Variants in BCKDHB observed in about 807,000 individuals in gnomAD.
The protein encoded by BCKDHB is 2-oxoisovalerate dehydrogenase subunit beta, mitochondrial.
A neutral mutation model predicts 48.5 loss-of-function variants in BCKDHB; 41 were observed. The ratio of observed to expected loss-of-function variants is 0.85; its 90% CI spans 0.66 to 1.10. The LOEUF is 1.10. Among genes scored for constraint, BCKDHB ranks in the 50% least tolerant of loss-of-function variants. The probability of loss-of-function intolerance (pLI) is 0.00; values close to 1 mark genes in which losing one functional copy is unlikely to be tolerated. For missense variants in BCKDHB, 496 were observed against 494.2 expected (o/e 1.00, Z -0.03); for synonymous variants, 201 against 174.8 (o/e 1.15, Z -1.18).
chr6:80,386,156 G>T, the BCKDHB span, among the ~76,000 whole-genome samples: 2 of 152,198 alleles, frequency 1.3e-5, no homozygotes, highest in African/African-American at 4.8e-5. Flanking sequence ...CAATAGATTT[G>T]TGAGAGCAGC....
chr6:80,298,632 G>GTA (rs778294109), intron 9 of BCKDHB, among the ~76,000 whole-genome samples: 4 of 152,200 alleles, frequency 2.6e-5, no homozygotes, highest in African/African-American at 4.8e-5. Flanking sequence ...CCAAAAGAAA[G>GTA]TACTGCCACA....
At chr6:80,133,077 TC>T (rs1443669464) in intron 3 of BCKDHB, among the ~76,000 whole-genome samples, 2 of 152,188 alleles carry the variant, frequency 1.3e-5, no homozygotes, top group Non-Finnish European at 2.9e-5. Context: ...TTGTGCCAGA[TC>T]AGTTCGCTTT....
Position 80,173,751 on chromosome 6 carries a change from T to C in BCKDHB, c.742+2361T>C, listed in dbSNP as rs146502077. The stretch of plus-strand genomic sequence containing the variant: ...GCTTTTGACCTATGGTTTTCTTAGA[T>C]TTGACCTCTGGTTCAGTATCACTAT... On this transcript the variant is annotated intron_variant, in intron 6 of 9. Coordinates refer to ENST00000320393, the MANE Select transcript of BCKDHB (RefSeq NM_183050.4). Among the ~76,000 whole-genome samples the C allele has an allele frequency of 1.7e-3, 257 of 152,194 alleles. 1 individual carries two copies. Among genetic ancestry groups the C allele is most frequent in the African/African-American group, 5.9e-3 (243 of 41,526 alleles).
At chr6:80,406,673 C>G in the BCKDHB span, among the ~76,000 whole-genome samples, 2 of 152,180 alleles carry the variant, frequency 1.3e-5, no homozygotes, top group African/African-American at 4.8e-5. Flanking sequence ...AATGTCTGTT[C>G]ATATCCTTTG....
At chr6:80,378,508 A>G in the BCKDHB span, among the ~76,000 whole-genome samples, 1 of 152,050 alleles carries the variant, frequency 6.6e-6, no homozygotes, top group Non-Finnish European at 1.5e-5. Context: ...GTATGTGTAT[A>G]GAGAAAATGT....
the BCKDHB span, among the ~76,000 whole-genome samples, chr6:80,374,974 G>A: frequency 1.3e-5 from 2 of 152,198 alleles, no homozygotes; most frequent in South Asian, 4.1e-4. Flanking sequence ...GCTAAAGATA[G>A]AACCCGAATC....
intron 8 of BCKDHB, among the ~76,000 whole-genome samples, chr6:80,220,103 C>A (rs1775345101): frequency 6.6e-6 from 1 of 151,636 alleles, no homozygotes; most frequent in Non-Finnish European, 1.5e-5. Flanking sequence ...ATTTTCTTTT[C>A]AAAAAACTCT....
chr6:80,283,789 A>G (rs1766489355), intron 9 of BCKDHB, among the ~76,000 whole-genome samples: 2 of 152,132 alleles, frequency 1.3e-5, no homozygotes, highest in African/African-American at 4.8e-5. Context: ...TTCAGTATGT[A>G]TATTTTAAAA....
intron 3 of BCKDHB, among the ~76,000 whole-genome samples, chr6:80,134,035 AAG>A (rs564653195): frequency 6.6e-6 from 1 of 151,964 alleles, no homozygotes; most frequent in East Asian, 1.9e-4. Context: ...GAGAGAGAGA[AAG>A]AGAAAGAGTG....
the BCKDHB span, among the ~76,000 whole-genome samples, chr6:80,423,518 T>G: frequency 7.9e-5 from 12 of 152,194 alleles, no homozygotes; most frequent in Admixed American, 7.9e-4. Flanking sequence ...CCCCACCCAT[T>G]GTGTAACTTG....
rs3840387 is a variant in BCKDHB, at chr6:80,205,791, G to GGTGTGTGT, written c.951+2616_951+2623dup. Among the ~76,000 whole-genome samples the GGTGTGTGT allele has an allele frequency of 5.4e-3, 732 of 135,146 alleles. 4 individuals carry two copies. Among genetic ancestry groups the GGTGTGTGT allele is most frequent in the African/African-American group, 0.01 (361 of 35,074 alleles). The allele number at this position is 135,146 out of a possible 152,430, so 88.7% of individuals were successfully genotyped here. On this transcript the variant is annotated intron_variant, in intron 8 of 9. Coordinates refer to ENST00000320393, the MANE Select transcript of BCKDHB (RefSeq NM_183050.4). Reference sequence around the variant, plus strand: ...AGACAGAGACCTACCCTGTGCCATGGGTGTGTGTGTGTGTGTGTGTGTGTG... The same window carrying GGTGTGTGT: ...AGACAGAGACCTACCCTGTGCCATGGGTGTGTGTGTGTGTGTGTGTGTGTGTGTGTGTG...
intron 9 of BCKDHB, among the ~76,000 whole-genome samples, chr6:80,306,190 C>G (rs4706835): frequency 6.6e-6 from 1 of 152,176 alleles, no homozygotes; most frequent in East Asian, 1.9e-4. Context: ...TTGTGTTACT[C>G]TTTGACAATA....
chr6:80,339,382 T>G (rs1474342203), intron 9 of BCKDHB, among the ~76,000 whole-genome samples: 2 of 152,196 alleles, frequency 1.3e-5, no homozygotes, highest in African/African-American at 2.4e-5. Flanking sequence ...CTTCCTAATT[T>G]TAACAAGATA....
chr6:80,119,238 T>G lies in BCKDHB; in HGVS notation c.197-8309T>G, dbSNP rs571914657. ...GGTGGAGGTTGCAAAAAAAATAAAA[T>G]GAACGAATGAATGAATGAATAAATG... is the stretch of plus-strand genomic sequence containing the variant. On this transcript the variant is annotated intron_variant, in intron 1 of 9. Transcript: ENST00000320393. 1.2e-4 allele frequency among the ~76,000 whole-genome samples: 18 copies of G among 152,154 alleles called. 2 individuals carry two copies. The highest frequency in any genetic ancestry group is 1.0e-3 in the Admixed American group (16 of 15,278).
the BCKDHB span, chr6:80,440,836 T>C: frequency 6.6e-6 from 1 of 152,146 alleles, no homozygotes; most frequent in Admixed American, 6.6e-5. Context: ...AGGAGACTGA[T>C]GATAAGGTTC....
At chr6:80,200,253 T>G (rs1439870356) in intron 6 of BCKDHB, among the ~76,000 whole-genome samples, 1 of 152,114 alleles carries the variant, frequency 6.6e-6, no homozygotes, top group Non-Finnish European at 1.5e-5. Flanking sequence ...TACCAGTGGC[T>G]TCCTTTTGGC....
chr6:80,194,051 AG>A (rs939549467), intron 6 of BCKDHB, among the ~76,000 whole-genome samples: 4 of 152,166 alleles, frequency 2.6e-5, no homozygotes, highest in African/African-American at 9.6e-5. Context: ...TTGTTTCACA[AG>A]GAAGTATCAA....
At chr6:80,425,533 A>G in the BCKDHB span, among the ~76,000 whole-genome samples, 1 of 152,198 alleles carries the variant, frequency 6.6e-6, no homozygotes, top group Non-Finnish European at 1.5e-5. Context: ...AAGTCATTTC[A>G]CAAGCAGTAT....
chr6:80,113,469 T>A (rs914595581), intron 1 of BCKDHB, among the ~76,000 whole-genome samples: 1 of 152,102 alleles, frequency 6.6e-6, no homozygotes, highest in Non-Finnish European at 1.5e-5. Context: ...TTCACTGGAG[T>A]GTGGCCCCGG....
Sources: gnomAD v4.1 joint callset for allele counts (sites outside exome capture counted in the v4.1 genomes callset) on GRCh38, gnomAD v4.1.1 for gene constraint, MANE v1.5 for transcripts, NCBI Gene and HGNC (gene_info 2026-07-23, HGNC 2026-07-21) for gene names.